Variants in SRCIN1 observed in about 807,000 individuals in gnomAD.
The protein encoded by SRCIN1 is P130Cas-associated protein.
Under a neutral mutation model 116.2 loss-of-function variants are expected in SRCIN1, and 50 were observed. The ratio of observed to expected loss-of-function variants is 0.43; its 90% confidence interval spans 0.34 to 0.54. The LOEUF is 0.54. Among genes scored for constraint, SRCIN1 ranks in the 20% least tolerant of loss-of-function variants. SRCIN1 has a pLI of 0.02. For missense variants in SRCIN1, 1,446 were observed against 1,672.0 expected, an observed-to-expected ratio of 0.86 and a Z score of 2.36; for synonymous variants, 736 against 750.0, an observed-to-expected ratio of 0.98 and a Z score of 0.30.
chr17:38,564,039 G>C (rs1336152867), intron 4 of SRCIN1, 79 bp downstream of exon 4: 1 of 1,479,162 alleles, frequency 6.8e-7, no homozygotes, highest in Non-Finnish European at 9.1e-7. Flanking sequence ...CGTGCTGTAG[G>C]GGAGGAGGGG....
rs1318672599 is a variant in SRCIN1 at position 38,552,381 on chromosome 17, T to C, written c.2480+66A>G. On this transcript the variant is annotated intron_variant, in intron 13 of 18. Transcript: ENST00000617146. The surrounding 1 kb of genome is among the most constrained non-coding windows in gnomAD (Gnocchi z 5.3). ...TGGGGGAGTTGGGGTAAGGGTTCAG[T>C]ATGACCTATGGGTCTGGGCCCGGTG... 1 of 1,530,466 alleles carries C rather than the reference T, an allele frequency of 6.5e-7. No individual in the cohort carries two copies. The highest frequency in any genetic ancestry group is 2.4e-5 in the East Asian group (1 of 41,786). The allele number at this position is 1,530,466 out of a possible 1,614,324, so 94.8% of individuals were successfully genotyped here.
Position 38,552,493 on chromosome 17 carries a change from G to A in SRCIN1, c.2434C>T (p.Leu812Phe), listed in dbSNP as rs776677424. Residue 812 changes from leucine to phenylalanine, a missense_variant, in exon 13 of 19, where the codon CTC becomes TTC. Physicochemically the swap from Leu to Phe is conservative, Grantham distance 22. This residue lies in a region of SRCIN1 where 531 missense variants were observed against 633.9 expected (regional missense o/e 0.84). Transcript: ENST00000617146. The surrounding 1 kb of genome is among the most constrained non-coding windows in gnomAD (Gnocchi z 5.3). ...TCCGTGACCCCGCGGCAGCGCTTGA[G>A]GAGCCCATCCAGGCGCTGGGGCTCC... is the stretch of plus-strand genomic sequence containing the variant. ...KEEPQRLDGL[L>F]KRCRGVTDTL... 6.2e-7 allele frequency: 1 copy of A among 1,604,654 alleles called. No individual in the cohort carries two copies. The highest frequency in any genetic ancestry group is 8.5e-7 in the Non-Finnish European group (1 of 1,175,956).
intron 1 of SRCIN1, 28 bp downstream of exon 1, chr17:38,605,656 A>C: frequency 7.7e-7 from 1 of 1,306,916 alleles, no homozygotes. Flanking sequence ...ATGGAGGCAC[A>C]TTAGGGAGGA....
chr17:38,561,446 T>C lies in SRCIN1; in HGVS notation c.1700+17A>G, dbSNP rs776479076. 1.3e-6 allele frequency: 2 copies of C among 1,519,606 alleles called. No homozygotes were observed. The highest frequency in any genetic ancestry group is 2.5e-5 in the South Asian group (2 of 79,834). 94.1% of individuals were successfully genotyped at this position (1,519,606 alleles called of 1,614,324 possible). On this transcript the variant is annotated intron_variant, in intron 7 of 18. Coordinates refer to ENST00000617146, the MANE Select transcript of SRCIN1 (RefSeq NM_025248.3). ...CCCCCCACCCCCAGTCCCTGAGGCC[T>C]GGTTAACGTCCCTCACCTGGTCTCC...
At chr17:38,578,461 G>GCCGGAC in intron 2 of SRCIN1, 29 bp downstream of exon 2, 1 of 1,546,082 alleles carries the variant, frequency 6.5e-7, no homozygotes, top group Non-Finnish European at 8.7e-7. Flanking sequence ...CGCGGCCGCA[G>GCCGGAC]CCGCAGCCGC....
At chr17:38,571,957 C>G (rs376065528) in intron 2 of SRCIN1, among the ~76,000 whole-genome samples, 24 of 152,310 alleles carry the variant, frequency 1.6e-4, no homozygotes, top group African/African-American at 2.4e-4. Flanking sequence ...GTTTTCCCCC[C>G]CTCGGCCCTC....
At chr17:38,560,199 A>C (rs1906140972) in intron 8 of SRCIN1, 102 bp from the exon 9 acceptor site, 2 of 1,385,592 alleles carry the variant, frequency 1.4e-6, no homozygotes, top group African/African-American at 1.4e-5. Flanking sequence ...CTCCGATCTC[A>C]GGATGGAGTC....
At chr17:38,564,029 C>T (rs140020420) in intron 4 of SRCIN1, 89 bp downstream of exon 4, 2 of 1,383,764 alleles carry the variant, frequency 1.4e-6, no homozygotes, top group African/African-American at 1.6e-5. Context: ...GGCGAGCTGG[C>T]GTGCTGTAGG....
In SRCIN1 at chr17:38,602,646, GAAGA is replaced by G. The variant is rs1212812497; in HGVS notation, c.22+3034_22+3037del. On this transcript the variant is annotated intron_variant, in intron 1 of 18. Coordinates refer to ENST00000617146, the MANE Select transcript of SRCIN1 (RefSeq NM_025248.3). This position sits in a 1 kb window ranked among gnomAD's most constrained non-coding sequence, Gnocchi z 4.2. ...CTCTCTGGGCCTCAAGGACATAAAT[GAAGA>G]AAGAAAACAGATTTCCTTGCCAGGG... 1 of 152,388 alleles carries G rather than the reference GAAGA, an allele frequency of 6.6e-6. No homozygotes were observed. Among genetic ancestry groups the G allele is most frequent in the East Asian group, 1.9e-4 (1 of 5,192 alleles). 9.4% of individuals were successfully genotyped at this position (152,388 alleles called of 1,614,324 possible).
chr17:38,561,423 C>T (rs768645406), intron 7 of SRCIN1, 40 bp downstream of exon 7: 1 of 1,464,760 alleles, frequency 6.8e-7, no homozygotes, highest in South Asian at 1.4e-5. Flanking sequence ...GCAGCGCACC[C>T]CCCACCCCCA....
At chr17:38,546,106 C>T (rs1227844114) in intron 17 of SRCIN1, among the ~76,000 whole-genome samples, 4 of 152,206 alleles carry the variant, frequency 2.6e-5, no homozygotes, top group South Asian at 2.1e-4. Context: ...GCCCTGGCCT[C>T]GGTGAGGGCA....
Position 38,549,171 on chromosome 17 carries a change from G to C in SRCIN1, c.3002C>G (p.Ser1001Cys), listed in dbSNP as rs1905245936. The C allele has an allele frequency of 6.3e-7, 1 of 1,582,726 alleles. No homozygotes were observed. The highest frequency in any genetic ancestry group is 2.3e-5 in the East Asian group (1 of 44,292). ...GGGAGGGGGCGGTGGGGGCGACTTG[G>C]AGGGCTTCTCTGTGCGGTATCGGGG... The part of the protein sequence containing the change: ...TVPRYRTEKP[S>C]KSPPPPPPRR... Residue 1001 changes from serine to cysteine, a missense_variant, in exon 16 of 19, where the codon TCC becomes TGC. Physicochemically the swap from Ser to Cys is moderately radical, Grantham distance 112. This residue lies in a region of SRCIN1 where 531 missense variants were observed against 633.9 expected (regional missense o/e 0.84). Transcript: ENST00000617146.
At position 38,533,058 on chromosome 17, in the gene SRCIN1, T is replaced by G; in HGVS notation, c.*239A>C. 1 of 368,538 alleles carries G rather than the reference T, an allele frequency of 2.7e-6. No homozygotes were observed. Among genetic ancestry groups the G allele is most frequent in the Non-Finnish European group, 4.7e-6 (1 of 214,786 alleles). The allele number at this position is 368,538 out of a possible 1,614,324, so 22.8% of individuals were successfully genotyped here. A position where few individuals can be genotyped will look rare whatever the true frequency, so the allele number is the denominator to read the frequency against. ...GAAGGTGGTGTGTTTGGTTTTTAGT[T>G]TTACTGTTTAAAAAAAGATAATTAA... On this transcript the variant is annotated 3_prime_UTR_variant, in exon 19 of 19. Coordinates refer to ENST00000617146, the MANE Select transcript of SRCIN1 (RefSeq NM_025248.3).
At chr17:38,600,035 T>C (rs1429790337) in intron 1 of SRCIN1, among the ~76,000 whole-genome samples, 3 of 152,228 alleles carry the variant, frequency 2.0e-5, no homozygotes, top group Non-Finnish European at 4.4e-5. Context: ...CTGTGCGGGA[T>C]GTTTTCATCT....
At chr17:38,534,755 C>T (rs918488373) in intron 18 of SRCIN1, among the ~76,000 whole-genome samples, 1 of 152,218 alleles carries the variant, frequency 6.6e-6, no homozygotes, top group African/African-American at 2.4e-5. Context: ...TTTACAGGTG[C>T]ACAGATGGTT....
intron 1 of SRCIN1, among the ~76,000 whole-genome samples, chr17:38,591,966 C>T (rs1908465804): frequency 6.6e-6 from 1 of 152,252 alleles, no homozygotes; most frequent in Admixed American, 6.5e-5. Flanking sequence ...CCCTGTCTGG[C>T]AGCCAGTCAC....
chr17:38,594,946 G>C (rs1222544055), intron 1 of SRCIN1, among the ~76,000 whole-genome samples: 1 of 152,178 alleles, frequency 6.6e-6, no homozygotes, highest in African/African-American at 2.4e-5. Flanking sequence ...AAGGTCACTA[G>C]GGACTTGGAG....
intron 18 of SRCIN1, among the ~76,000 whole-genome samples, chr17:38,538,983 C>A (rs559886131): frequency 1.1e-4 from 16 of 152,344 alleles, no homozygotes; most frequent in South Asian, 4.1e-4. Flanking sequence ...GCGCCCAACA[C>A]CCTCAGTACA....
At position 38,562,457 on chromosome 17, in the gene SRCIN1, C is replaced by T; in HGVS notation, c.835-129G>A. On this transcript the variant is annotated intron_variant, in intron 6 of 18. Coordinates refer to ENST00000617146, the MANE Select transcript of SRCIN1 (RefSeq NM_025248.3). The surrounding 1 kb of genome is among the most constrained non-coding windows in gnomAD (Gnocchi z 4.2). The stretch of plus-strand genomic sequence containing the variant: ...TTCTGCTCTCTGCCCTCCCTCCATC[C>T]TGCTGCGTCTAGGGTCCCTTTCCCA... 8.8e-7 allele frequency: 1 copy of T among 1,133,068 alleles called. No homozygotes were observed. The highest frequency in any genetic ancestry group is 1.2e-6 in the Non-Finnish European group (1 of 847,070). The allele number at this position is 1,133,068 out of a possible 1,614,324, so 70.2% of individuals were successfully genotyped here.
Sources: gnomAD v4.1 joint callset for allele counts (sites outside exome capture counted in the v4.1 genomes callset) on GRCh38, gnomAD v4.1.1 for gene constraint, gnomAD v4.1.1 regional missense constraint, Gnocchi (gnomAD v3.1) non-coding constraint, MANE v1.5 for transcripts, NCBI Gene and HGNC (gene_info 2026-07-23, HGNC 2026-07-21) for gene names.